CPVL: variants seen among roughly 807,000 people sequenced by gnomAD.
CPVL encodes probable serine carboxypeptidase CPVL.
Under a neutral mutation model 63.7 loss-of-function variants are expected in CPVL, and 51 were observed. The observed-to-expected ratio is 0.80, with a 90% CI of 0.64 to 1.01. The LOEUF (loss-of-function observed/expected upper bound fraction) is 1.01. CPVL is among the 50% of genes least tolerant of loss of function. CPVL has a pLI of 0.00. For missense variants in CPVL, 530 were observed against 573.1 expected (o/e 0.92, Z 0.77); for synonymous variants, 195 against 206.0 (o/e 0.95, Z 0.46).
upstream of CPVL, chr7:29,146,592 G>A (rs1460188389): frequency 1.3e-6 from 2 of 1,550,192 alleles, no homozygotes; most frequent in Non-Finnish European, 1.7e-6. Context: ...ACATGACCCA[G>A]ACCCACAGGG....
chr7:29,089,053 C>A (rs1179147017), intron 6 of CPVL, among the ~76,000 whole-genome samples: 1 of 152,134 alleles, frequency 6.6e-6, no homozygotes, highest in Non-Finnish European at 1.5e-5. Context: ...AGCTACATGG[C>A]ACAAGAAGCA....
At chr7:29,106,115 T>C (rs1522918) in intron 3 of CPVL, among the ~76,000 whole-genome samples, 1 of 151,794 alleles carries the variant, frequency 6.6e-6, no homozygotes, top group Non-Finnish European at 1.5e-5. Flanking sequence ...CTTGGGTAAA[T>C]AGGAACAGGT....
chr7:29,115,533 A>G (rs529012725), intron 2 of CPVL, among the ~76,000 whole-genome samples: 5 of 152,272 alleles, frequency 3.3e-5, no homozygotes, highest in Non-Finnish European at 7.3e-5. Context: ...TAATTAGCCC[A>G]GAGAAAGATC....
intron 3 of CPVL, chr7:29,184,599 T>G (rs1584624445): frequency 6.6e-6 from 1 of 152,164 alleles, no homozygotes; most frequent in African/African-American, 2.4e-5. Context: ...TCACAAGAGT[T>G]TTCTCTTACT....
At chr7:29,164,779 C>CAAAAAAA (rs55742522) in intron 5 of CPVL, among the ~76,000 whole-genome samples, 3 of 85,878 alleles carry the variant, frequency 3.5e-5, no homozygotes, top group Non-Finnish European at 6.8e-5. Flanking sequence ...AGACCTGTCT[C>CAAAAAAA]AAAAAAAAAA....
intron 2 of CPVL, among the ~76,000 whole-genome samples, chr7:29,116,888 A>T (rs375920812): frequency 2.6e-5 from 4 of 152,344 alleles, no homozygotes; most frequent in East Asian, 3.9e-4. Context: ...TTTGCGAGCT[A>T]CTGTTTATCT....
At chr7:29,087,673 G>C (rs1222893656) in intron 6 of CPVL, among the ~76,000 whole-genome samples, 2 of 152,176 alleles carry the variant, frequency 1.3e-5, no homozygotes, top group African/African-American at 2.4e-5. Flanking sequence ...CCTGCTGAGA[G>C]ACTAAAAGCC....
chr7:29,019,336 C>G (rs908305008), intron 12 of CPVL, among the ~76,000 whole-genome samples: 16 of 152,186 alleles, frequency 1.1e-4, no homozygotes, highest in African/African-American at 3.6e-4. Context: ...ATACCAAAAA[C>G]TTATTACCTT....
At chr7:29,065,270 C>T (rs1011357693) in intron 10 of CPVL, among the ~76,000 whole-genome samples, 12 of 152,190 alleles carry the variant, frequency 7.9e-5, no homozygotes, top group African/African-American at 2.7e-4. Context: ...GTCTTGTCTA[C>T]CACATGTTTT....
At chr7:29,158,576 A>G (rs1428271967) in intron 5 of CPVL, among the ~76,000 whole-genome samples, 1 of 152,184 alleles carries the variant, frequency 6.6e-6, no homozygotes, top group African/African-American at 2.4e-5. Flanking sequence ...TATTTCCTTC[A>G]ACATCCTCTA....
intron 1 of CPVL, among the ~76,000 whole-genome samples, chr7:29,123,242 T>C (rs377399639): frequency 6.6e-6 from 1 of 152,148 alleles, no homozygotes; most frequent in South Asian, 2.1e-4. Context: ...TAAAAGCTTT[T>C]CAGGCACATT....
At chr7:28,995,921 A>G in intron 12 of CPVL, 39 bp from the exon 13 acceptor site, 2 of 1,154,856 alleles carry the variant, frequency 1.7e-6, no homozygotes, top group South Asian at 2.7e-5. Context: ...ATTTAGAGAA[A>G]TGGATATTCT....
At chr7:29,185,849 C>T (rs1202432656) in intron 2 of CPVL, among the ~76,000 whole-genome samples, 1 of 152,092 alleles carries the variant, frequency 6.6e-6, no homozygotes, top group Non-Finnish European at 1.5e-5. Flanking sequence ...TTAGCAAGAC[C>T]AATATGTAGA....
chr7:29,050,790 AGT>A (rs1790071955), intron 11 of CPVL, among the ~76,000 whole-genome samples: 1 of 151,170 alleles, frequency 6.6e-6, no homozygotes. Flanking sequence ...ACAAAGCCAA[AGT>A]GAGACTAAGC....
intron 7 of CPVL, among the ~76,000 whole-genome samples, chr7:29,085,525 C>T (rs1260967671): frequency 6.6e-6 from 1 of 152,154 alleles, no homozygotes; most frequent in Non-Finnish European, 1.5e-5. Context: ...AGAAAAATCA[C>T]CATTTTATCA....
At chr7:29,072,602 T>C (rs1261975954) in intron 7 of CPVL, among the ~76,000 whole-genome samples, 179 bp from the exon 8 acceptor site, 1 of 152,232 alleles carries the variant, frequency 6.6e-6, no homozygotes, top group Non-Finnish European at 1.5e-5. Context: ...CCAATTCTTT[T>C]GTCGTCTCAA....
chr7:29,090,619 T>C (rs997588360), intron 6 of CPVL, among the ~76,000 whole-genome samples: 5 of 152,158 alleles, frequency 3.3e-5, no homozygotes, highest in African/African-American at 7.2e-5. Flanking sequence ...TGGCACATAA[T>C]AGGCAATTGG....
At chr7:29,110,035 A>C (rs323188) in intron 3 of CPVL, among the ~76,000 whole-genome samples, 2,960 of 152,332 alleles carry the variant, frequency 0.019, 106 homozygotes, top group African/African-American at 0.069. Flanking sequence ...TGAGAAAGAA[A>C]AAAACTGGGT....
intron 12 of CPVL, among the ~76,000 whole-genome samples, chr7:29,005,952 G>A (rs1785153489): frequency 2.0e-5 from 3 of 152,224 alleles, no homozygotes; most frequent in African/African-American, 7.2e-5. Context: ...GGAAGGGGCA[G>A]AGGTTATAGC....
Sources: allele counts gnomAD v4.1 joint callset (sites outside exome capture counted in the v4.1 genomes callset), GRCh38; gene constraint gnomAD v4.1.1; transcripts MANE v1.5; gene names NCBI Gene and HGNC (gene_info 2026-07-23, HGNC 2026-07-21).